ITGAE: variants seen among roughly 807,000 people sequenced by gnomAD.
ITGAE encodes the protein integrin alpha-E.
Under a neutral mutation model 136.5 loss-of-function variants are expected in ITGAE, and 99 were observed. The ratio of observed to expected loss-of-function variants is 0.73; its 90% CI spans 0.62 to 0.86. The LOEUF (loss-of-function observed/expected upper bound fraction) is 0.86. Ranked by LOEUF, ITGAE falls within the 40% of genes least tolerant of loss-of-function variation. The probability of loss-of-function intolerance (pLI) is 0.00; values close to 1 mark genes in which losing one functional copy is unlikely to be tolerated. For missense variants in ITGAE, 1,447 were observed against 1,515.3 expected (o/e 0.95, Z 0.75); for synonymous variants, 613 against 591.8 (o/e 1.04, Z -0.52).
At chr17:3,774,649 C>T (rs1199467542) in intron 2 of ITGAE, among the ~76,000 whole-genome samples, 1 of 152,106 alleles carries the variant, frequency 6.6e-6, no homozygotes, top group African/African-American at 2.4e-5. Flanking sequence ...CCTGTAATCC[C>T]AGCTACTCAG....
At chr17:3,768,147 C>T (rs1294252829) in intron 2 of ITGAE, among the ~76,000 whole-genome samples, 1 of 151,426 alleles carries the variant, frequency 6.6e-6, no homozygotes, top group East Asian at 1.9e-4. Flanking sequence ...TTTTTTAAGA[C>T]AGAGTCTCCT....
intron 21 of ITGAE, among the ~76,000 whole-genome samples, chr17:3,733,983 C>G (rs1359398412): frequency 6.6e-6 from 1 of 152,214 alleles, no homozygotes; most frequent in African/African-American, 2.4e-5. Context: ...ACAGACTCTT[C>G]TCTTGGTCAA....
chr17:3,761,597 A>C, intron 4 of ITGAE, 77 bp from the exon 5 acceptor site: 3 of 1,338,818 alleles, frequency 2.2e-6, no homozygotes, highest in Non-Finnish European at 3.1e-6. Context: ...TCTCACCCCC[A>C]TTCCAGAACT....
intron 2 of ITGAE, among the ~76,000 whole-genome samples, chr17:3,776,680 C>T (rs2052548120): frequency 6.6e-6 from 1 of 152,192 alleles, no homozygotes; most frequent in Non-Finnish European, 1.5e-5. Flanking sequence ...GCCTCAGCCT[C>T]CCAAGTAGCT....
At chr17:3,750,018 A>G (rs140203916) in intron 16 of ITGAE, among the ~76,000 whole-genome samples, 9 of 150,498 alleles carry the variant, frequency 6.0e-5, no homozygotes, top group Admixed American at 1.3e-4. Flanking sequence ...TCCGCCTCAG[A>G]AAAAAAACAA....
intron 12 of ITGAE, chr17:3,754,658 C>A (rs220478): frequency 5.0e-6 from 1 of 201,202 alleles, no homozygotes; most frequent in Non-Finnish European, 1.0e-5. Context: ...CTCAGCCTCA[C>A]GGTCCCTAAC....
intron 1 of ITGAE, among the ~76,000 whole-genome samples, chr17:3,795,592 TG>T (rs754246221): frequency 6.6e-5 from 10 of 152,212 alleles, no homozygotes; most frequent in Non-Finnish European, 8.8e-5. Flanking sequence ...TAGTAATAGC[TG>T]GAGGCACCGA....
chr17:3,772,533 G>A lies in ITGAE; in HGVS notation c.155+5007C>T, dbSNP rs553913026. ...GGCTGGAGTGCAGTGGCGCGATCTC[G>A]GCTCACTGCAAGCTCCGCCTCCCGC... On this transcript the variant is annotated intron_variant, in intron 2 of 30. Coordinates refer to ENST00000263087, the MANE Select transcript of ITGAE (RefSeq NM_002208.5). 2.0e-4 allele frequency among the ~76,000 whole-genome samples: 30 copies of A among 149,156 alleles called. No individual in the cohort carries two copies. The East Asian group carries it at 5.6e-3, about 28-fold the overall frequency.
chr17:3,731,234 A>C (rs1308540947), intron 22 of ITGAE, 51 bp from the exon 23 acceptor site: 1 of 1,386,654 alleles, frequency 7.2e-7, no homozygotes, highest in South Asian at 1.2e-5. Context: ...TGCCACTCAC[A>C]ATTCAGACCG....
intron 1 of ITGAE, among the ~76,000 whole-genome samples, chr17:3,797,291 G>A (rs865900078): frequency 2.3e-4 from 32 of 141,390 alleles, no homozygotes; most frequent in Middle Eastern, 4.6e-3. Flanking sequence ...TCAGCCTCCC[G>A]AGTAGCTGGG....
chr17:3,743,573 G>C lies in ITGAE; in HGVS notation c.2364C>G (p.Ser788Arg). Reference protein sequence around the residue: ...DCFSNASVKVSYQLQTPEGQT... With the variant: ...DCFSNASVKVRYQLQTPEGQT... ...GTCCCTCAGGGGTCTGGAGCTGGTA[G>C]CTGACTTTGACACTGGCATTGGAGA... Residue 788 changes from serine to arginine, a missense_variant, in exon 19 of 31, where the codon AGC becomes AGG. Ser to Arg is a moderately radical substitution (Grantham distance 110). This residue lies in a region of ITGAE where 1,031 missense variants were observed against 1,011.4 expected (regional missense o/e 1.02). Transcript: ENST00000263087. 1.9e-6 allele frequency: 3 copies of C among 1,613,380 alleles called. No individual in the cohort carries two copies.
chr17:3,801,104 G>T lies in ITGAE; in HGVS notation c.34+7C>A, dbSNP rs757415006. On this transcript the variant is annotated splice_region_variant and intron_variant, in intron 1 of 30. Coordinates refer to ENST00000263087, the MANE Select transcript of ITGAE (RefSeq NM_002208.5). ...AGCCCCTCGAAGCAGCGGGTGAGAGGACTTACTGGCTATGCAGAGCAGAGT... is the reference window on the plus strand; with the variant it reads ...AGCCCCTCGAAGCAGCGGGTGAGAGTACTTACTGGCTATGCAGAGCAGAGT... 2 of 1,612,870 alleles carry T rather than the reference G, an allele frequency of 1.2e-6. No homozygotes were observed. The highest frequency in any genetic ancestry group is 8.5e-7 in the Non-Finnish European group (1 of 1,180,006).
chr17:3,732,367 C>G lies in ITGAE; in HGVS notation c.2754+1G>C. The G allele has an allele frequency of 1.9e-6, 3 of 1,612,730 alleles. No individual in the cohort carries two copies. On this transcript the variant is annotated splice_donor_variant, in intron 22 of 30. Transcript: ENST00000263087. LOFTEE classifies it high-confidence loss of function. ...GAGCGAATCAGTCCAAACCGACTCA[C>G]AGATGACCTCTTGAGGACGGGGTGA...
intron 26 of ITGAE, chr17:3,724,377 C>A: frequency 6.2e-7 from 1 of 1,608,290 alleles, no homozygotes; most frequent in Non-Finnish European, 8.5e-7. Context: ...CCGCCTCAGC[C>A]CGGACCTCAG....
chr17:3,755,508 C>T (rs183642693), intron 11 of ITGAE, among the ~76,000 whole-genome samples: 1 of 152,162 alleles, frequency 6.6e-6, no homozygotes. Context: ...TGACCCAGGC[C>T]GAGTCCTGTT....
chr17:3,761,274 T>C, intron 5 of ITGAE, 97 bp from the exon 6 acceptor site: 3 of 1,552,274 alleles, frequency 1.9e-6, no homozygotes, highest in Non-Finnish European at 2.6e-6. Flanking sequence ...TTTCACGTGA[T>C]GCCTCAACCC....
intron 1 of ITGAE, among the ~76,000 whole-genome samples, chr17:3,783,016 G>A (rs182007397): frequency 6.6e-6 from 1 of 152,314 alleles, no homozygotes; most frequent in Non-Finnish European, 1.5e-5. Flanking sequence ...TGAGATGGCT[G>A]AAGATTCTAT....
At chr17:3,787,781 G>A (rs886765848) in intron 1 of ITGAE, among the ~76,000 whole-genome samples, 8 of 150,916 alleles carry the variant, frequency 5.3e-5, no homozygotes, top group Admixed American at 1.3e-4. Context: ...TCCACCTCTC[G>A]AGTTCAAGTG....
rs1361944330 is a variant in ITGAE, at chr17:3,755,830, C to T, written c.1239G>A (p.Glu413=). The change falls in exon 11 of 31, where the codon GAG becomes GAA. Residue 413 remains glutamate, a splice_region_variant and synonymous_variant. Coordinates refer to ENST00000263087, the MANE Select transcript of ITGAE (RefSeq NM_002208.5). ...QIGFSAQILD[E]RQVLLGAVGA... ...GCCTGGTGCTGAGTCAGCCACGTAC[C>T]TCATCCAGGATCTGAGCACTGAAGC... is the stretch of plus-strand genomic sequence containing the variant. 3 of 1,592,112 alleles carry T rather than the reference C, an allele frequency of 1.9e-6. No homozygotes were observed. The highest frequency in any genetic ancestry group is 2.6e-6 in the Non-Finnish European group (3 of 1,169,890).
Sources: gnomAD v4.1 joint callset for allele counts (sites outside exome capture counted in the v4.1 genomes callset) on GRCh38, gnomAD v4.1.1 for gene constraint, gnomAD v4.1.1 regional missense constraint, MANE v1.5 for transcripts, NCBI Gene and HGNC (gene_info 2026-07-23, HGNC 2026-07-21) for gene names.